The following GRIP1 variants were observed in gnomAD, a reference collection of about 807,000 sequenced individuals.
GRIP1 encodes the protein glutamate receptor-interacting protein 1.
Under a neutral mutation model 129.9 loss-of-function variants are expected in GRIP1, and 45 were observed. That is an observed-to-expected ratio of 0.35 (90% CI 0.27 to 0.44). The LOEUF (loss-of-function observed/expected upper bound fraction) is 0.44, where lower values mean the gene tolerates loss of function less well. Ranked by LOEUF, GRIP1 falls within the 20% of genes least tolerant of loss-of-function variation. The pLI, the probability that GRIP1 is intolerant of heterozygous loss-of-function variation, is 1.00. For missense variants in GRIP1, 1,196 were observed against 1,396.8 expected, an observed-to-expected ratio of 0.86 and a Z score of 2.29; for synonymous variants, 530 against 520.8, an observed-to-expected ratio of 1.02 and a Z score of -0.24.
Position 66,394,292 on chromosome 12 carries a change from G to A in GRIP1, c.2045C>T (p.Pro682Leu). The part of the protein sequence containing the change: ...YTVELKRYGG[P>L]LGITISGTEE... ...AGTTCCTGAAATTGTGATGCCAAGG[G>A]GCCCCCCGTAGCGTTTAAGCTCCAC... is the stretch of plus-strand genomic sequence containing the variant. The change falls in exon 17 of 25, where the codon CCC becomes CTC. Residue 682 changes from proline (P) to leucine (L), a missense_variant. Physicochemically the swap from Pro to Leu is moderately conservative, Grantham distance 98 (BLOSUM62 -3). Transcript: ENST00000359742. The A allele has an allele frequency of 6.2e-7, 1 of 1,613,852 alleles. No individual in the cohort carries two copies. Among genetic ancestry groups the A allele is most frequent in the Non-Finnish European group, 8.5e-7 (1 of 1,179,742 alleles).
chr12:66,749,182 A>C (rs1244287911), intron 1 of GRIP1, among the ~76,000 whole-genome samples: 1 of 152,232 alleles, frequency 6.6e-6, no homozygotes, highest in Non-Finnish European at 1.5e-5. Flanking sequence ...CTTCATTAGA[A>C]TGTGAACTAC....
intron 1 of GRIP1, among the ~76,000 whole-genome samples, chr12:66,905,596 A>C (rs1057291446): frequency 3.3e-5 from 5 of 152,246 alleles, no homozygotes; most frequent in African/African-American, 4.8e-5. Context: ...AGGTTTTATG[A>C]GCAAGGGGAA....
At chr12:66,525,326 T>C (rs1234069210) in intron 5 of GRIP1, among the ~76,000 whole-genome samples, 1 of 152,168 alleles carries the variant, frequency 6.6e-6, no homozygotes, top group African/African-American at 2.4e-5. Context: ...AAAAAGCTTA[T>C]CCACCATGAT....
At chr12:66,849,524 A>C (rs558669114) in intron 1 of GRIP1, among the ~76,000 whole-genome samples, 1 of 152,214 alleles carries the variant, frequency 6.6e-6, no homozygotes, top group Non-Finnish European at 1.5e-5. Flanking sequence ...CTGAGGCAGA[A>C]GCATTACCTG....
At chr12:66,686,261 A>G (rs2034780966) in intron 1 of GRIP1, among the ~76,000 whole-genome samples, 1 of 152,226 alleles carries the variant, frequency 6.6e-6, no homozygotes. Context: ...AATATGAAGA[A>G]ACATACAGCC....
intron 1 of GRIP1, among the ~76,000 whole-genome samples, chr12:66,764,128 C>T (rs951860490): frequency 2.6e-5 from 4 of 152,176 alleles, no homozygotes; most frequent in African/African-American, 9.6e-5. Context: ...TAGATATAAA[C>T]AATCATTTGG....
At chr12:66,397,186 T>C (rs1267465929) in intron 16 of GRIP1, among the ~76,000 whole-genome samples, 4 of 148,308 alleles carry the variant, frequency 2.7e-5, no homozygotes, top group Non-Finnish European at 5.9e-5. Context: ...GAGTAGATCA[T>C]TTGGGATTCT....
At chr12:66,447,111 T>C (rs887987805) in intron 11 of GRIP1, among the ~76,000 whole-genome samples, 6 of 152,224 alleles carry the variant, frequency 3.9e-5, no homozygotes, top group South Asian at 2.1e-4. Flanking sequence ...AGGTTTTCCC[T>C]GGCCTCATGT....
intron 15 of GRIP1, among the ~76,000 whole-genome samples, chr12:66,420,416 T>C (rs952790307): frequency 4.3e-5 from 2 of 46,438 alleles, no homozygotes; most frequent in Non-Finnish European, 7.9e-5. Context: ...ACTTTCAGGG[T>C]TTTTTTTTTT....
intron 1 of GRIP1, among the ~76,000 whole-genome samples, chr12:66,653,965 C>A (rs563368040): frequency 4.6e-5 from 7 of 152,188 alleles, no homozygotes; most frequent in African/African-American, 1.7e-4. Context: ...CTTTCACATG[C>A]AAAAGTCAAT....
intron 1 of GRIP1, among the ~76,000 whole-genome samples, chr12:66,812,700 T>C (rs1592869506): frequency 1.3e-5 from 2 of 152,250 alleles, no homozygotes; most frequent in South Asian, 2.1e-4. Flanking sequence ...TTTTGCCCTA[T>C]AAAATGTATT....
intron 1 of GRIP1, among the ~76,000 whole-genome samples, chr12:66,952,332 T>C (rs2137496632): frequency 6.6e-6 from 1 of 152,320 alleles, no homozygotes; most frequent in South Asian, 2.1e-4. Context: ...AAAAGTATTC[T>C]TTGGATCTTA....
At chr12:67,059,509 T>C (rs529347160) in intron 1 of GRIP1, among the ~76,000 whole-genome samples, 9 of 152,284 alleles carry the variant, frequency 5.9e-5, no homozygotes, top group African/African-American at 2.2e-4. Flanking sequence ...TCCCCTTTGC[T>C]CAAATGTCAT....
chr12:66,957,886 C>T (rs1016336318), intron 1 of GRIP1, among the ~76,000 whole-genome samples: 7 of 152,104 alleles, frequency 4.6e-5, no homozygotes, highest in Admixed American at 6.6e-5. Flanking sequence ...GATTTATAGT[C>T]CATCTCCTTG....
chr12:66,910,739 G>A (rs926036332), intron 1 of GRIP1, among the ~76,000 whole-genome samples: 31 of 152,070 alleles, frequency 2.0e-4, no homozygotes, highest in African/African-American at 6.8e-4. Context: ...AATCAAAAAC[G>A]TTTTCTAAAC....
In GRIP1 at chr12:66,784,338, C is replaced by G. The variant is rs535966145; in HGVS notation, c.-420+19715G>C. Among the ~76,000 whole-genome samples, 63 of 152,282 alleles carry G rather than the reference C, an allele frequency of 4.1e-4. 1 individual carries two copies. The highest frequency in any genetic ancestry group is 1.5e-3 in the African/African-American group (63 of 41,566). The stretch of plus-strand genomic sequence containing the variant: ...ATTTCCCAATAGTAACATTGATTAT[C>G]TATTATTTGCACAGCACTGTACTAA... On this transcript the variant is annotated intron_variant, in intron 1 of 4. Coordinates refer to the GRIP1 transcript ENST00000538373.
At chr12:66,641,904 A>G (rs1056544283) in intron 1 of GRIP1, among the ~76,000 whole-genome samples, 5 of 152,228 alleles carry the variant, frequency 3.3e-5, no homozygotes, top group African/African-American at 1.2e-4. Context: ...AATAGTTTTC[A>G]TAACAGCCAT....
At chr12:67,056,092 G>T (rs2043430589) in intron 1 of GRIP1, among the ~76,000 whole-genome samples, 1 of 152,122 alleles carries the variant, frequency 6.6e-6, no homozygotes. Flanking sequence ...ATAGTAGAAG[G>T]GGGGATAAGG....
intron 22 of GRIP1, among the ~76,000 whole-genome samples, chr12:66,372,793 G>C (rs1322078023): frequency 4.6e-5 from 7 of 151,962 alleles, no homozygotes; most frequent in Admixed American, 4.6e-4. Context: ...ATATCAAGTA[G>C]TGGATATTCA....
Sources: allele counts gnomAD v4.1 joint callset (sites outside exome capture counted in the v4.1 genomes callset), GRCh38; gene constraint gnomAD v4.1.1; transcripts MANE v1.5; gene names NCBI Gene and HGNC (gene_info 2026-07-23, HGNC 2026-07-21).